HSPG2: variants seen among roughly 807,000 people sequenced by gnomAD.
HSPG2 encodes basement membrane-specific heparan sulfate proteoglycan core protein.
In HSPG2, 278 loss-of-function variants were observed where a neutral mutation model predicts 526.6. The observed-to-expected ratio is 0.53, with a 90% CI of 0.48 to 0.58. The LOEUF is 0.58. Ranked by LOEUF, HSPG2 falls within the 20% of genes least tolerant of loss-of-function variation. HSPG2 has a pLI of 0.00. For missense variants in HSPG2, 5,354 were observed against 6,099.5 expected, an observed-to-expected ratio of 0.88 and a Z score of 4.07; for synonymous variants, 2,465 against 2,555.4, an observed-to-expected ratio of 0.96 and a Z score of 1.07.
At chr1:21,853,761 T>A (rs748834607) in intron 50 of HSPG2, 130 of 117,238 alleles carry the variant, frequency 1.1e-3, no homozygotes, top group East Asian at 3.4e-3. Context: ...AAAAATAAAA[T>A]AAAATAAAAT....
intron 95 of HSPG2, 126 bp from the exon 96 acceptor site, chr1:21,823,845 T>G (rs930549980): frequency 1.2e-6 from 1 of 810,736 alleles, no homozygotes; most frequent in Non-Finnish European, 2.1e-6. Flanking sequence ...TCCCAAGCTC[T>G]TTCTTTCCCC....
At position 21,827,033 on chromosome 1, in the gene HSPG2, C is replaced by G. The variant is rs1306338239; in HGVS notation, c.12589+830G>C. ...GACAGGCCTGGCCAACATGGTGAAA[C>G]CCCATCCCTACAAAAAATACAAAAA... On this transcript the variant is annotated intron_variant, in intron 91 of 96. Transcript: ENST00000374695. Among the ~76,000 whole-genome samples the G allele has an allele frequency of 2.0e-5, 3 of 151,880 alleles. No individual in the cohort carries two copies. The East Asian group carries it at 5.9e-4, about 30-fold the overall frequency.
chr1:21,823,039 T>G lies in HSPG2; in HGVS notation c.*277A>C. 1 of 353,406 alleles carries G rather than the reference T, an allele frequency of 2.8e-6. No homozygotes were observed. 21.9% of individuals were successfully genotyped at this position (353,406 alleles called of 1,614,324 possible). The stretch of plus-strand genomic sequence containing the variant: ...GTGGGTAGGGGGACAGTGGGGGCAG[T>G]TCTGGGCCCACCCAGCCACTGTTCC... On this transcript the variant is annotated 3_prime_UTR_variant, in exon 97 of 97. Transcript: ENST00000374695.
chr1:21,833,663 G>A (rs1231752286), intron 78 of HSPG2, 49 bp from the exon 79 acceptor site: 2 of 1,610,328 alleles, frequency 1.2e-6, no homozygotes, highest in African/African-American at 2.7e-5. Context: ...CACGGCTCCA[G>A]GGGCCCACCT....
rs1159583528 is a variant in HSPG2, at chr1:21,858,134, T to C, written c.5294-749A>G. Among the ~76,000 whole-genome samples the C allele has an allele frequency of 6.6e-6, 1 of 152,254 alleles. No individual in the cohort carries two copies. Among genetic ancestry groups the C allele is most frequent in the Non-Finnish European group, 1.5e-5 (1 of 68,046 alleles). The stretch of plus-strand genomic sequence containing the variant: ...TCTTGCAGGAGTTGTCCACACTCGC[T>C]GCCTTCCCACCCATGTGTCGCCTCC... On this transcript the variant is annotated intron_variant, in intron 42 of 96. Transcript: ENST00000374695. The surrounding 1 kb of genome is among the most constrained non-coding windows in gnomAD (Gnocchi z 4.2).
chr1:21,927,787 G>A (rs1281695606), intron 1 of HSPG2, among the ~76,000 whole-genome samples: 2 of 152,198 alleles, frequency 1.3e-5, no homozygotes, highest in Admixed American at 6.5e-5. Flanking sequence ...AGGCGAAGGA[G>A]GGGCAGTGAC....
At chr1:21,838,383 T>C (rs1258380783) in intron 74 of HSPG2, among the ~76,000 whole-genome samples, 1 of 152,182 alleles carries the variant, frequency 6.6e-6, no homozygotes, top group Non-Finnish European at 1.5e-5. Context: ...ACTGAAGCCC[T>C]GGGCGTGCTG....
Position 21,859,789 on chromosome 1 carries a change from C to A in HSPG2, c.5182+46G>T. 1 of 1,605,188 alleles carries A rather than the reference C, an allele frequency of 6.2e-7. No homozygotes were observed. The highest frequency in any genetic ancestry group is 8.5e-7 in the Non-Finnish European group (1 of 1,176,984). On this transcript the variant is annotated intron_variant, in intron 41 of 96. Transcript: ENST00000374695. The surrounding 1 kb of genome is among the most constrained non-coding windows in gnomAD (Gnocchi z 5.3). ...CAGGGACAGGCCCCTGCCTCCCCTCCCACTGGGATGGCTCTTGGGGCTGAG... is the reference window on the plus strand; with the variant it reads ...CAGGGACAGGCCCCTGCCTCCCCTCACACTGGGATGGCTCTTGGGGCTGAG...
At chr1:21,881,989 G>A (rs1641554715) in intron 13 of HSPG2, among the ~76,000 whole-genome samples, 2 of 150,486 alleles carry the variant, frequency 1.3e-5, no homozygotes, top group African/African-American at 4.9e-5. Context: ...AGAAAATGCA[G>A]TTTTTTCCTC....
intron 1 of HSPG2, among the ~76,000 whole-genome samples, chr1:21,935,750 T>TA (rs1462511934): frequency 6.6e-6 from 1 of 152,172 alleles, no homozygotes; most frequent in Admixed American, 6.5e-5. Flanking sequence ...TCCCACGTGC[T>TA]AGGTTGGTGC....
Position 21,872,387 on chromosome 1 carries a change from G to T in HSPG2, c.4030-10C>A. The T allele has an allele frequency of 6.4e-7, 1 of 1,558,812 alleles. No homozygotes were observed. The highest frequency in any genetic ancestry group is 1.2e-5 in the South Asian group (1 of 83,880). Reference sequence around the variant, plus strand: ...CAAAGTGGGTGGAGATCTGGCAGGGGAAAAAGGAGGGGGCGTCAGCCTGAG... The same window carrying T: ...CAAAGTGGGTGGAGATCTGGCAGGGTAAAAAGGAGGGGGCGTCAGCCTGAG... On this transcript the variant is annotated splice_polypyrimidine_tract_variant and intron_variant, in intron 32 of 96. Transcript: ENST00000374695. This position sits in a 1 kb window ranked among gnomAD's most constrained non-coding sequence, Gnocchi z 5.5.
intron 64 of HSPG2, 56 bp downstream of exon 64, chr1:21,846,052 G>A (rs1372778283): frequency 6.3e-7 from 1 of 1,595,504 alleles, no homozygotes; most frequent in Non-Finnish European, 8.6e-7. Flanking sequence ...CTGCCCCCTG[G>A]TCTCTGTCCC....
chr1:21,903,035 C>A (rs537842461), intron 1 of HSPG2, among the ~76,000 whole-genome samples: 49 of 152,292 alleles, frequency 3.2e-4, no homozygotes, highest in African/African-American at 1.1e-3. Flanking sequence ...CACGGACAAA[C>A]CAAATGAATG....
chr1:21,831,518 A>G lies in HSPG2; in HGVS notation c.11397T>C (p.Gly3799=). The G allele has an allele frequency of 6.2e-7, 1 of 1,614,088 alleles. No homozygotes were observed. Among genetic ancestry groups the G allele is most frequent in the Non-Finnish European group, 8.5e-7 (1 of 1,179,978 alleles). ...GGATGGCACCATAGTCAGGATAGCCACCCAGGTAGAGTTCCTCGTTCAGAT... is the reference window on the plus strand; with the variant it reads ...GGATGGCACCATAGTCAGGATAGCCGCCCAGGTAGAGTTCCTCGTTCAGAT... ...GLDLNEELYL[G]GYPDYGAIPK... The change falls in exon 83 of 97, where the codon GGT becomes GGC. Residue 3799 remains glycine, a synonymous_variant. Coordinates refer to ENST00000374695, the MANE Select transcript of HSPG2 (RefSeq NM_005529.7).
chr1:21,899,191 AAT>A (rs1324154221), intron 1 of HSPG2, among the ~76,000 whole-genome samples: 1 of 152,150 alleles, frequency 6.6e-6, no homozygotes, highest in Non-Finnish European at 1.5e-5. Flanking sequence ...CATAGCAAGG[AAT>A]AAGTCAGCAA....
intron 44 of HSPG2, among the ~76,000 whole-genome samples, 158 bp from the exon 45 acceptor site, chr1:21,856,070 T>C (rs1639318501): frequency 6.6e-6 from 1 of 152,192 alleles, no homozygotes; most frequent in Non-Finnish European, 1.5e-5. Context: ...CAACAGGACC[T>C]TGTGACCTCC....
Position 21,878,758 on chromosome 1 carries a change from G to A in HSPG2, c.2472-95C>T, listed in dbSNP as rs987892054. On this transcript the variant is annotated intron_variant, in intron 18 of 96. Transcript: ENST00000374695. Reference sequence around the variant, plus strand: ...TGACTGCTGTCTACACAGACACAGTGTGCCACGAGGCATGACGCCATCTCC... The same window carrying A: ...TGACTGCTGTCTACACAGACACAGTATGCCACGAGGCATGACGCCATCTCC... 2.5e-5 allele frequency: 33 copies of A among 1,297,690 alleles called. No homozygotes were observed. In the African/African-American group the frequency reaches 4.5e-4, roughly 18 times the overall value. The allele number at this position is 1,297,690 out of a possible 1,614,324, so 80.4% of individuals were successfully genotyped here.
chr1:21,931,316 G>T (rs955809839), intron 1 of HSPG2, among the ~76,000 whole-genome samples: 1 of 152,270 alleles, frequency 6.6e-6, no homozygotes, highest in Non-Finnish European at 1.5e-5. Context: ...ATACTTCTGG[G>T]TTTCAGTCAG....
chr1:21,860,531 A>G (rs1394610183), intron 39 of HSPG2, among the ~76,000 whole-genome samples: 2 of 151,970 alleles, frequency 1.3e-5, no homozygotes, highest in African/African-American at 4.8e-5. Flanking sequence ...TCGCTCTGTC[A>G]CCCAGGCTCG....
Sources: allele counts gnomAD v4.1 joint callset (sites outside exome capture counted in the v4.1 genomes callset), GRCh38; gene constraint gnomAD v4.1.1; non-coding constraint Gnocchi (gnomAD v3.1); transcripts MANE v1.5; gene names NCBI Gene and HGNC (gene_info 2026-07-23, HGNC 2026-07-21).